SH2D4A: variants seen among roughly 807,000 people sequenced by gnomAD.
SH2D4A encodes the protein SH2 domain containing 4A, also known as SH2 domain-containing protein 4A.
In SH2D4A, 70 loss-of-function variants were observed where a neutral mutation model predicts 64.7. That is an observed-to-expected ratio of 1.08 (90% CI 0.89 to 1.32). The LOEUF is 1.32. SH2D4A is among the 40% of genes most tolerant of loss of function. The probability of loss-of-function intolerance (pLI) is 0.00; values close to 1 mark genes in which losing one functional copy is unlikely to be tolerated. For missense variants in SH2D4A, 706 were observed against 540.1 expected (o/e 1.31, Z -3.04); for synonymous variants, 268 against 200.7 (o/e 1.34, Z -2.83).
intron 4 of SH2D4A, among the ~76,000 whole-genome samples, chr8:19,339,495 C>CTTTT (rs5889867): frequency 7.8e-4 from 101 of 128,990 alleles, no homozygotes; most frequent in African/African-American, 9.7e-4. Context: ...TATAAACTTT[C>CTTTT]TTTTTTTTTT....
At chr8:19,321,778 G>A (rs76706411) in intron 2 of SH2D4A, among the ~76,000 whole-genome samples, 2,235 of 152,216 alleles carry the variant, frequency 0.015, 51 homozygotes, top group African/African-American at 0.051. Context: ...AGTGTGATGG[G>A]GTGACCTTGG....
intron 5 of SH2D4A, among the ~76,000 whole-genome samples, chr8:19,358,986 G>A (rs1460385099): frequency 1.3e-5 from 2 of 152,192 alleles, no homozygotes; most frequent in Non-Finnish European, 1.5e-5. Context: ...ATTTCCCCAT[G>A]CCTGGCTGAC....
At chr8:19,375,092 G>A (rs146555794) in intron 8 of SH2D4A, 2 of 152,228 alleles carry the variant, frequency 1.3e-5, no homozygotes, top group African/African-American at 4.8e-5. Context: ...ACTAAAAATC[G>A]AGTTGGAGGT....
chr8:19,344,566 A>G (rs2052582208), intron 4 of SH2D4A, among the ~76,000 whole-genome samples: 1 of 152,124 alleles, frequency 6.6e-6, no homozygotes, highest in Non-Finnish European at 1.5e-5. Flanking sequence ...AATCCTGGAT[A>G]ATCTCATTTT....
At chr8:19,347,559 T>C (rs1227315468) in intron 4 of SH2D4A, among the ~76,000 whole-genome samples, 1 of 152,218 alleles carries the variant, frequency 6.6e-6, no homozygotes, top group African/African-American at 2.4e-5. Flanking sequence ...ATATGTAATT[T>C]GCAGGCTTGG....
intron 4 of SH2D4A, among the ~76,000 whole-genome samples, chr8:19,344,288 C>T (rs140163492): frequency 5.9e-5 from 9 of 152,164 alleles, no homozygotes; most frequent in African/African-American, 1.9e-4. Flanking sequence ...GAGAAGAATC[C>T]GCTTACAGGT....
At chr8:19,349,469 A>G (rs928326585) in intron 4 of SH2D4A, among the ~76,000 whole-genome samples, 5 of 152,228 alleles carry the variant, frequency 3.3e-5, no homozygotes, top group African/African-American at 1.2e-4. Context: ...GGTTTACTCA[A>G]TTTTGTTACC....
At chr8:19,362,685 A>C (rs1326459269) in intron 6 of SH2D4A, among the ~76,000 whole-genome samples, 2 of 152,134 alleles carry the variant, frequency 1.3e-5, no homozygotes, top group Non-Finnish European at 2.9e-5. Flanking sequence ...GGTTGCAGTG[A>C]GCCGAGATCG....
At chr8:19,339,550 A>G (rs1700646561) in intron 4 of SH2D4A, among the ~76,000 whole-genome samples, 1 of 140,196 alleles carries the variant, frequency 7.1e-6, no homozygotes, top group Admixed American at 7.7e-5. Flanking sequence ...CCGAGGCTGC[A>G]GTGCAGTGGT....
intron 4 of SH2D4A, among the ~76,000 whole-genome samples, chr8:19,347,796 A>G (rs536736002): frequency 1.3e-5 from 2 of 152,328 alleles, no homozygotes; most frequent in African/African-American, 2.4e-5. Flanking sequence ...CTGGCAGATT[A>G]AAAAGCCTTG....
At position 19,371,272 on chromosome 8, in the gene SH2D4A, C is replaced by G. The variant is rs530937381; in HGVS notation, c.918-2258C>G. 3.3e-5 allele frequency among the ~76,000 whole-genome samples: 5 copies of G among 152,200 alleles called. No individual in the cohort carries two copies. The South Asian group carries it at 1.0e-3, about 32-fold the overall frequency. On this transcript the variant is annotated intron_variant, in intron 7 of 9. Coordinates refer to ENST00000265807, the MANE Select transcript of SH2D4A (RefSeq NM_022071.4). ...AGGCCAAGTCTGGTAGTGGTAAATT[C>G]CCTCAGCTTTTGTTTGTGTGGAAAA... is the stretch of plus-strand genomic sequence containing the variant.
At chr8:19,364,320 G>A (rs751645591) in intron 7 of SH2D4A, 38 bp downstream of exon 7, 1 of 1,605,970 alleles carries the variant, frequency 6.2e-7, no homozygotes, top group South Asian at 1.1e-5. Flanking sequence ...CATAAACATT[G>A]CAATGGGCTT....
At chr8:19,374,912 A>G (rs2053168024) in intron 8 of SH2D4A, among the ~76,000 whole-genome samples, 1 of 152,318 alleles carries the variant, frequency 6.6e-6, no homozygotes, top group East Asian at 1.9e-4. Context: ...GAAATCAGCC[A>G]CTTTGTAGTT....
chr8:19,332,047 A>G (rs7829274), intron 2 of SH2D4A, among the ~76,000 whole-genome samples: 43,625 of 151,984 alleles, frequency 0.29, 8,329 homozygotes, highest in African/African-American at 0.55. Context: ...CCTAACTACT[A>G]TGAGCTCACC....
intron 4 of SH2D4A, among the ~76,000 whole-genome samples, chr8:19,347,228 C>G (rs186803294): frequency 6.6e-5 from 10 of 152,174 alleles, no homozygotes; most frequent in African/African-American, 2.4e-4. Context: ...AGCTGGATTT[C>G]TCTGTCCTCC....
At chr8:19,382,820 A>ATTTTTTTTTTTTTTTT (rs2053318237) in intron 8 of SH2D4A, among the ~76,000 whole-genome samples, 14 of 85,900 alleles carry the variant, frequency 1.6e-4, no homozygotes, top group Non-Finnish European at 2.2e-4. Flanking sequence ...TGCTTTTAAG[A>ATTTTTTTTTTTTTTTT]TTCTTTTTTT....
At position 19,337,422 on chromosome 8, in the gene SH2D4A, T is replaced by G. The variant is rs149248796; in HGVS notation, c.513+2565T>G. On this transcript the variant is annotated intron_variant, in intron 4 of 9. Transcript: ENST00000265807. ...TAGAACCTCAGAATGTGAGCTTATT[T>G]GGAAATAGATCTTTGCAGATGTAAT... 3.0e-4 allele frequency among the ~76,000 whole-genome samples: 46 copies of G among 152,240 alleles called. 1 individual carries two copies. The East Asian group carries it at 8.9e-3, about 29-fold the overall frequency.
chr8:19,333,025 C>T lies in SH2D4A; in HGVS notation c.252C>T (p.His84=), dbSNP rs1369490087. ...TCTGGGTATGGGTGATGGGCGAACA[C>T]CATCTAGATAAACCCTATGATGTGC... ...KEVWVWVMGE[H]HLDKPYDVLC... is the part of the protein sequence containing the mutation. The change falls in exon 3 of 10, where the codon CAC becomes CAT. Residue 84 remains histidine (H), a synonymous_variant. Transcript: ENST00000265807. 2 of 1,613,908 alleles carry T rather than the reference C, an allele frequency of 1.2e-6. No homozygotes were observed. Among genetic ancestry groups the T allele is most frequent in the Non-Finnish European group, 1.7e-6 (2 of 1,179,988 alleles).
chr8:19,336,220 A>C lies in SH2D4A; in HGVS notation c.513+1363A>C, dbSNP rs2052443233. Among the ~76,000 whole-genome samples, 7 of 152,214 alleles carry C rather than the reference A, an allele frequency of 4.6e-5. No homozygotes were observed. The South Asian group carries it at 1.4e-3, about 32-fold the overall frequency. On this transcript the variant is annotated intron_variant, in intron 4 of 9. Coordinates refer to ENST00000265807, the MANE Select transcript of SH2D4A (RefSeq NM_022071.4). ...AGGTCTTATTCAAACCCAGGTCTGC[A>C]GGACCCCCAGGCTATTCCTTAAATA... is the stretch of plus-strand genomic sequence containing the variant.
Sources: gnomAD v4.1 joint callset for allele counts (sites outside exome capture counted in the v4.1 genomes callset) on GRCh38, gnomAD v4.1.1 for gene constraint, MANE v1.5 for transcripts, NCBI Gene and HGNC (gene_info 2026-07-23, HGNC 2026-07-21) for gene names.